Variants in MICAL1 observed in about 807,000 individuals in gnomAD.
The protein encoded by MICAL1 is microtubule associated monooxygenase, calponin and LIM domain containing 1, also known as [F-actin]-monooxygenase MICAL1.
In MICAL1, 95 loss-of-function variants were observed where a neutral mutation model predicts 131.8. The observed-to-expected ratio is 0.72, with a 90% CI of 0.61 to 0.86. The LOEUF (loss-of-function observed/expected upper bound fraction) is 0.86, where lower values mean the gene tolerates loss of function less well. Among genes scored for constraint, MICAL1 ranks in the 40% least tolerant of loss-of-function variants. MICAL1 has a pLI of 0.00. For missense variants in MICAL1, 1,292 were observed against 1,380.6 expected (o/e 0.94, Z 1.02); for synonymous variants, 546 against 554.2 (o/e 0.99, Z 0.21).
At position 109,446,678 on chromosome 6, in the gene MICAL1, C is replaced by G. The variant is rs764248057; in HGVS notation, c.2304+18G>C. Reference sequence around the variant, plus strand: ...CTCTTCCCATGCCCCAATATACATACACGCCTTCAGTCTTTACCGGACTCT... The same window carrying G: ...CTCTTCCCATGCCCCAATATACATAGACGCCTTCAGTCTTTACCGGACTCT... On this transcript the variant is annotated intron_variant, in intron 18 of 24. Coordinates refer to ENST00000358807, the MANE Select transcript of MICAL1 (RefSeq NM_022765.4). 6.2e-7 allele frequency: 1 copy of G among 1,611,468 alleles called. No homozygotes were observed. Among genetic ancestry groups the G allele is most frequent in the Non-Finnish European group, 8.5e-7 (1 of 1,178,496 alleles).
rs1427061494 is a variant in MICAL1, at chr6:109,448,764, A to G, written c.1632T>C (p.Cys544=). 2 of 1,613,966 alleles carry G rather than the reference A, an allele frequency of 1.2e-6. No individual in the cohort carries two copies. Among genetic ancestry groups the G allele is most frequent in the African/African-American group, 2.7e-5 (2 of 74,926 alleles). ...CAGGCTGCAGCCGGTACACCAGGGC[A>G]CACAGAGCTAGCCCATCAGCCCAGG... ...SSSWADGLAL[C]ALVYRLQPGL... is the part of the protein sequence containing the mutation. The change falls in exon 12 of 25, where the codon TGT becomes TGC. Residue 544 remains cysteine, a synonymous_variant. Transcript: ENST00000358807.
chr6:109,447,232 G>C lies in MICAL1; in HGVS notation c.2071-3C>G, dbSNP rs766286759. On this transcript the variant is annotated splice_region_variant and splice_polypyrimidine_tract_variant and intron_variant, in intron 16 of 24. Transcript: ENST00000358807. Reference sequence around the variant, plus strand: ...GCACACAGGTCCCCAGCACCGGCCTGCGTGGACCCCCAGGACACAGGGTCA... The same window carrying C: ...GCACACAGGTCCCCAGCACCGGCCTCCGTGGACCCCCAGGACACAGGGTCA... 1.9e-6 allele frequency: 3 copies of C among 1,614,006 alleles called. No homozygotes were observed. Among genetic ancestry groups the C allele is most frequent in the Non-Finnish European group, 2.5e-6 (3 of 1,179,908 alleles).
chr6:109,447,153 A>G lies in MICAL1; in HGVS notation c.2147T>C (p.Phe716Ser). 2 of 1,614,176 alleles carry G rather than the reference A, an allele frequency of 1.2e-6. No individual in the cohort carries two copies. The highest frequency in any genetic ancestry group is 1.7e-6 in the Non-Finnish European group (2 of 1,180,014). Reference sequence around the variant, plus strand: ...GCAGCGGAAGCAGCTCCGGTGGAAGAAATGGCCGTTGACACAGAGGCGTTC... The same window carrying G: ...GCAGCGGAAGCAGCTCCGGTGGAAGGAATGGCCGTTGACACAGAGGCGTTC... ...VLERLCVNGHFFHRSCFRCHT... is the reference protein window; with the variant it reads ...VLERLCVNGHSFHRSCFRCHT... Residue 716 changes from phenylalanine to serine, a missense_variant, in exon 17 of 25, where the codon TTC (phenylalanine) becomes TCC (serine). Coordinates refer to ENST00000358807, the MANE Select transcript of MICAL1 (RefSeq NM_022765.4).
chr6:109,452,668 A>G (rs1264071034), intron 4 of MICAL1, 53 bp from the exon 5 acceptor site: 6 of 1,394,332 alleles, frequency 4.3e-6, no homozygotes, highest in Admixed American at 4.0e-5. Context: ...AAGAGCCCCT[A>G]TACTCTCAGG....
At chr6:109,445,669 C>A in intron 20 of MICAL1, 102 bp downstream of exon 20, 2 of 1,509,110 alleles carry the variant, frequency 1.3e-6, no homozygotes, top group Non-Finnish European at 1.8e-6. Flanking sequence ...ATATGACAGG[C>A]CAAGTGAGAA....
upstream of MICAL1, among the ~76,000 whole-genome samples, chr6:109,459,881 G>A (rs1775843701): frequency 1.3e-5 from 2 of 152,118 alleles, no homozygotes; most frequent in Admixed American, 1.3e-4. Context: ...TTAGTCTAAG[G>A]AAGCTTCAGT....
Position 109,446,213 on chromosome 6 carries a change from C to A in MICAL1, c.2504G>T (p.Arg835Leu), listed in dbSNP as rs762596485. Reference sequence around the variant, plus strand: ...GTGGCGGGCCAAGGCGGAGCAGCTGCGGGGAGGCTTGGGTGGAGGCTCCAT... The same window carrying A: ...GTGGCGGGCCAAGGCGGAGCAGCTGAGGGGAGGCTTGGGTGGAGGCTCCAT... ...PEMEPPPKPP[R>L]SCSALARHAL... The change falls in exon 19 of 25, where the codon CGC becomes CTC. Residue 835 changes from arginine to leucine, a missense_variant. By Grantham distance (102) the Arg-to-Leu change is moderately radical (BLOSUM62 -2). Transcript: ENST00000358807. The A allele has an allele frequency of 9.4e-6, 15 of 1,601,438 alleles. No individual in the cohort carries two copies. Among genetic ancestry groups the A allele is most frequent in the African/African-American group, 1.3e-5 (1 of 74,264 alleles).
At position 109,448,832 on chromosome 6, in the gene MICAL1, T is replaced by C. The variant is rs546304128; in HGVS notation, c.1564A>G (p.Thr522Ala). Residue 522 changes from threonine to alanine, a missense_variant, in exon 12 of 25, where the codon ACA becomes GCA. Thr to Ala is a moderately conservative substitution (Grantham distance 58). Coordinates refer to ENST00000358807, the MANE Select transcript of MICAL1 (RefSeq NM_022765.4). ...ACGTGGACTCCCGGGTACCCAGCTG[T>C]CTGCTCCTGGCACCAGCGTAGCAGC... Reference protein sequence around the residue: ...EELLRWCQEQTAGYPGVHVSD... With the variant: ...EELLRWCQEQAAGYPGVHVSD... 3 of 1,613,950 alleles carry C rather than the reference T, an allele frequency of 1.9e-6. No individual in the cohort carries two copies. Among genetic ancestry groups the C allele is most frequent in the Non-Finnish European group, 2.5e-6 (3 of 1,179,972 alleles).
rs1285612366 is a variant in MICAL1 at position 109,446,755 on chromosome 6, G to A, written c.2245C>T (p.Gln749Ter). 1.9e-6 allele frequency: 3 copies of A among 1,613,560 alleles called. No individual in the cohort carries two copies. The highest frequency in any genetic ancestry group is 1.3e-5 in the African/African-American group (1 of 74,886). The change falls in exon 18 of 25, where the codon CAG (glutamine) becomes TAG (stop). Residue 749 changes from glutamine to a stop codon, truncating the protein, a stop_gained. Coordinates refer to ENST00000358807, the MANE Select transcript of MICAL1 (RefSeq NM_022765.4). LOFTEE classifies it high-confidence loss of function. Reference sequence around the variant, plus strand: ...TTGTGGTCTGTCTGGGGCAGGTGCTGGAGGCAGTAGAAATGTCCTGGAAAG... The same window carrying A: ...TTGTGGTCTGTCTGGGGCAGGTGCTAGAGGCAGTAGAAATGTCCTGGAAAG... ...HPGDGHFYCL[Q>*]HLPQTDHKAE...
upstream of MICAL1, chr6:109,456,080 G>T: frequency 1.0e-6 from 1 of 957,796 alleles, no homozygotes. Context: ...GCCTGTTGGG[G>T]GCTGAGGAGC....
At chr6:109,448,054 C>T (rs946554882) in intron 13 of MICAL1, 91 bp from the exon 14 acceptor site, 2 of 1,435,476 alleles carry the variant, frequency 1.4e-6, no homozygotes, top group Admixed American at 4.3e-5. Context: ...AGAAGGACAC[C>T]TCTCCCAGGC....
intron 24 of MICAL1, 58 bp downstream of exon 24, chr6:109,444,667 A>G (rs61303854): frequency 0.029 from 45,619 of 1,584,590 alleles, 2,840 homozygotes; most frequent in African/African-American, 0.26. Context: ...ATCTGAGATC[A>G]TGAGGCTTGC....
chr6:109,457,250 C>G (rs866329965), upstream of MICAL1, among the ~76,000 whole-genome samples: 3 of 152,108 alleles, frequency 2.0e-5, no homozygotes, highest in Non-Finnish European at 2.9e-5. Context: ...ACTAGGGCAG[C>G]CTCTCAGTTG....
rs1775278727 is a variant in MICAL1, at chr6:109,447,384, G to A, written c.2043C>T (p.Pro681=). 1 of 1,613,390 alleles carries A rather than the reference G, an allele frequency of 6.2e-7. No individual in the cohort carries two copies. The highest frequency in any genetic ancestry group is 8.5e-7 in the Non-Finnish European group (1 of 1,179,878). ...CCTGGTGTTGGGATGGGGGTGTCAG[G>A]GGTACACCAGGCTCTGGGTCAGGTG... ...EVPPDPEPGV[P]LTPPSQHQEA... Residue 681 remains proline (P), a synonymous_variant, in exon 16 of 25, where the codon CCC becomes CCT. Transcript: ENST00000358807.
chr6:109,446,891 G>A, intron 17 of MICAL1, 119 bp from the exon 18 acceptor site: 1 of 1,255,954 alleles, frequency 8.0e-7, no homozygotes, highest in East Asian at 2.5e-5. Context: ...ATTTCTGCCA[G>A]CCTCCTGTTC....
intron 6 of MICAL1, chr6:109,451,912 G>A: frequency 1.4e-6 from 2 of 1,389,600 alleles, no homozygotes; most frequent in Non-Finnish European, 1.9e-6. Context: ...AGGGAAGCTT[G>A]GAGGGGGGTG....
At chr6:109,448,159 A>ACC (rs1775330906) in intron 13 of MICAL1, 44 bp downstream of exon 13, 5 of 1,544,406 alleles carry the variant, frequency 3.2e-6, no homozygotes, top group Admixed American at 1.7e-5. Flanking sequence ...ACACACACAC[A>ACC]CCTCCCCATC....
chr6:109,455,160 C>T lies in MICAL1; in HGVS notation c.-44+559G>A, dbSNP rs1798519348. ...GAAGGGTGCCCGAGGGGGTTTCTCA[C>T]GCGGGGCCCAGAAGGTATCAGAGGG... is the stretch of plus-strand genomic sequence containing the variant. On this transcript the variant is annotated intron_variant, in intron 1 of 24. Coordinates refer to ENST00000358807, the MANE Select transcript of MICAL1 (RefSeq NM_022765.4). The surrounding 1 kb of genome is among the most constrained non-coding windows in gnomAD (Gnocchi z 4.7). Among the ~76,000 whole-genome samples, 1 of 152,172 alleles carries T rather than the reference C, an allele frequency of 6.6e-6. No individual in the cohort carries two copies. The highest frequency in any genetic ancestry group is 6.5e-5 in the Admixed American group (1 of 15,284).
chr6:109,447,107 C>G lies in MICAL1; in HGVS notation c.2193G>C (p.Leu731=). 6.2e-7 allele frequency: 1 copy of G among 1,614,156 alleles called. No homozygotes were observed. The highest frequency in any genetic ancestry group is 8.5e-7 in the Non-Finnish European group (1 of 1,180,004). The change falls in exon 17 of 25, where the codon CTG becomes CTC. Residue 731 remains leucine (L), a synonymous_variant. Transcript: ENST00000358807. The stretch of plus-strand genomic sequence containing the variant: ...GGTGCTGCTCGTAGCCACCTGGCCA[C>G]AGTGTGGCCTCACAGGTATGGCAGC... The part of the protein sequence containing the change: ...CFRCHTCEAT[L]WPGGYEQHPG...
Sources: gnomAD v4.1 joint callset for allele counts (sites outside exome capture counted in the v4.1 genomes callset) on GRCh38, gnomAD v4.1.1 for gene constraint, Gnocchi (gnomAD v3.1) non-coding constraint, MANE v1.5 for transcripts, NCBI Gene and HGNC (gene_info 2026-07-23, HGNC 2026-07-21) for gene names.